The following DCLRE1C variants were observed in gnomAD, a reference collection of about 807,000 sequenced individuals.
The protein encoded by DCLRE1C is protein artemis.
In DCLRE1C, 47 loss-of-function variants were observed where a neutral mutation model predicts 61.4. The ratio of observed to expected loss-of-function variants is 0.77; its 90% CI spans 0.61 to 0.98. The LOEUF (loss-of-function observed/expected upper bound fraction) is 0.98, where lower values mean the gene tolerates loss of function less well. Among genes scored for constraint, DCLRE1C ranks in the 50% least tolerant of loss-of-function variants. The pLI is 0.00. For missense variants in DCLRE1C, 858 were observed against 816.0 expected (o/e 1.05, Z -0.63); for synonymous variants, 337 against 287.6 (o/e 1.17, Z -1.74).
chr10:14,945,601 G>GAA, intron 2 of DCLRE1C: 2 of 1,008,350 alleles, frequency 2.0e-6, no homozygotes, highest in Non-Finnish European at 2.4e-6. Context: ...ACTACCTCTG[G>GAA]AAAAGGTGTG....
At chr10:14,901,168 T>C (rs1240809718), downstream of DCLRE1C, 1 of 1,613,926 alleles carries the variant, frequency 6.2e-7, no homozygotes, top group Non-Finnish European at 8.5e-7. Flanking sequence ...ATGTTTTCAT[T>C]GATAACCTCG....
At chr10:14,926,172 C>G (rs759616266) in intron 11 of DCLRE1C, among the ~76,000 whole-genome samples, 1 of 152,214 alleles carries the variant, frequency 6.6e-6, no homozygotes, top group South Asian at 2.1e-4. Flanking sequence ...CAGACTGATA[C>G]ACTTGTTGAC....
intron 13 of DCLRE1C, among the ~76,000 whole-genome samples, chr10:14,919,324 T>G (rs1001084768): frequency 1.4e-4 from 22 of 151,992 alleles, no homozygotes; most frequent in African/African-American, 5.3e-4. Flanking sequence ...CTGATCAACT[T>G]GATCAGAAAT....
chr10:14,953,916 G>C lies in DCLRE1C; in HGVS notation c.95C>G (p.Ser32Cys), dbSNP rs969498121. ...CCCTCACTCACCTTTGTGGCAGTGG[G>C]ACAGGAAGTAGGCGCGGGCCCTCAG... ...ENLRARAYFL[S>C]HCHKDHMKGL... Residue 32 changes from serine to cysteine, a missense_variant, in exon 1 of 14, where the codon TCC becomes TGC. Ser to Cys is a moderately radical substitution (Grantham distance 112). Around this residue, in one of 2 missense-constraint regions of DCLRE1C, gnomAD observed 843 missense variants for 783.5 expected, o/e 1.08. Coordinates refer to ENST00000378278, the MANE Select transcript of DCLRE1C (RefSeq NM_001033855.3). 1.2e-6 allele frequency: 2 copies of C among 1,614,024 alleles called. No homozygotes were observed. Among genetic ancestry groups the C allele is most frequent in the Admixed American group, 1.7e-5 (1 of 60,028 alleles).
intron 3 of DCLRE1C, among the ~76,000 whole-genome samples, chr10:14,940,286 T>C (rs1012181294): frequency 1.2e-5 from 1 of 82,448 alleles, no homozygotes; most frequent in South Asian, 4.0e-4. Context: ...TACACGGTTC[T>C]TTTATTTTTT....
chr10:14,906,201 C>A lies in DCLRE1C; in HGVS notation c.*2207G>T, dbSNP rs1588879220. Among the ~76,000 whole-genome samples, 2 of 152,146 alleles carry A rather than the reference C, an allele frequency of 1.3e-5. No individual in the cohort carries two copies. The highest frequency in any genetic ancestry group is 2.1e-4 in the South Asian group (1 of 4,822). On this transcript the variant is annotated 3_prime_UTR_variant, in exon 14 of 14. Coordinates refer to ENST00000378278, the MANE Select transcript of DCLRE1C (RefSeq NM_001033855.3). ...TGAACTAACCTCTGTGCCTTTGTCT[C>A]ATTTGTACATGGGGATTAGAAATGT...
chr10:14,922,621 T>C (rs565385950), intron 12 of DCLRE1C, among the ~76,000 whole-genome samples: 1 of 152,176 alleles, frequency 6.6e-6, no homozygotes, highest in East Asian at 1.9e-4. Flanking sequence ...TTTCTTACAC[T>C]ATCTCCCTGT....
intron 13 of DCLRE1C, among the ~76,000 whole-genome samples, chr10:14,919,318 TC>T (rs1409917344): frequency 2.6e-5 from 4 of 152,118 alleles, no homozygotes; most frequent in Non-Finnish European, 5.9e-5. Context: ...ACACTACTGA[TC>T]AACTTGATCA....
exon 14 of DCLRE1C, chr10:14,899,235 G>T (rs557135516): frequency 2.8e-6 from 2 of 701,922 alleles, no homozygotes; most frequent in Admixed American, 4.0e-5. Context: ...CAGGAAGATC[G>T]CTTGATCCCA....
At chr10:14,919,708 C>T in intron 13 of DCLRE1C, 30 bp downstream of exon 13, 18 of 1,551,420 alleles carry the variant, frequency 1.2e-5, no homozygotes, top group Non-Finnish European at 1.6e-5. Flanking sequence ...AGGGAGCCCA[C>T]CCCTCTGAAC....
intron 8 of DCLRE1C, among the ~76,000 whole-genome samples, chr10:14,934,044 C>A (rs113567975): frequency 1.3e-5 from 2 of 152,048 alleles, no homozygotes; most frequent in African/African-American, 2.4e-5. Context: ...AAAGAATGAA[C>A]AGACTGGGAA....
At chr10:14,937,987 T>C (rs563902712) in intron 4 of DCLRE1C, among the ~76,000 whole-genome samples, 1 of 151,266 alleles carries the variant, frequency 6.6e-6, no homozygotes, top group South Asian at 2.1e-4. Context: ...GGGCAAGACC[T>C]GCAGGCACTA....
chr10:14,909,559 A>T (rs954599999), intron 13 of DCLRE1C, among the ~76,000 whole-genome samples: 6 of 151,738 alleles, frequency 4.0e-5, no homozygotes, highest in Non-Finnish European at 5.9e-5. Context: ...TCTGCTCTAT[A>T]TGTAAGCCTG....
At chr10:14,897,706 T>C in exon 14 of DCLRE1C, 1 of 414,338 alleles carries the variant, frequency 2.4e-6, no homozygotes, top group Non-Finnish European at 4.1e-6. Flanking sequence ...TTTATATGAA[T>C]AAAAAATATA....
rs999246854 is a variant in DCLRE1C, at chr10:14,907,860, T to TTC, written c.*547_*548insGA. ...TTTAGTTCTACCATTTTTTTTTCTT[T>TTC]TTTTTTTTTTTTTTTTTTGAGACAG... On this transcript the variant is annotated 3_prime_UTR_variant, in exon 14 of 14. Coordinates refer to ENST00000378278, the MANE Select transcript of DCLRE1C (RefSeq NM_001033855.3). The TTC allele has an allele frequency of 2.2e-5, 3 of 136,990 alleles. No individual in the cohort carries two copies. Among genetic ancestry groups the TTC allele is most frequent in the African/African-American group, 8.0e-5 (3 of 37,654 alleles). 8.5% of individuals were successfully genotyped at this position (136,990 alleles called of 1,614,324 possible).
rs200832949 is a variant in DCLRE1C, at chr10:14,908,526, G to T, written c.1961C>A (p.Pro654His). ...AGGTAACTCAGCTTCTGGAGTTGAG[G>T]GAACTTCAAAATCAGAAGAGCTCTG... ...DSQSSSDFEV[P>H]STPEAELPKR... is the part of the protein sequence containing the mutation. The change falls in exon 14 of 14, where the codon CCC becomes CAC. Residue 654 changes from proline to histidine, a missense_variant. Pro to His is a moderately conservative substitution (Grantham distance 77). Coordinates refer to ENST00000378278, the MANE Select transcript of DCLRE1C (RefSeq NM_001033855.3). 6.2e-7 allele frequency: 1 copy of T among 1,614,022 alleles called. No individual in the cohort carries two copies. The highest frequency in any genetic ancestry group is 8.5e-7 in the Non-Finnish European group (1 of 1,179,988).
At chr10:14,900,129 G>A (rs1833896825), downstream of DCLRE1C, among the ~76,000 whole-genome samples, 1 of 152,074 alleles carries the variant, frequency 6.6e-6, no homozygotes, top group South Asian at 2.1e-4. Flanking sequence ...AAAATTTAAA[G>A]ATTTGTAGAG....
In DCLRE1C at chr10:14,954,070, T is replaced by C; in HGVS notation, c.-60A>G. On this transcript the variant is annotated 5_prime_UTR_variant, in exon 1 of 14. Transcript: ENST00000378278. ...CCGCAGCTGAAGCCAAGGCCAGCCC[T>C]GACCGCGCCGCCACTTCCGGGAAGC... The C allele has an allele frequency of 1.2e-6, 2 of 1,606,634 alleles. No homozygotes were observed. The highest frequency in any genetic ancestry group is 8.5e-7 in the Non-Finnish European group (1 of 1,178,036).
intron 6 of DCLRE1C, among the ~76,000 whole-genome samples, chr10:14,935,100 A>T (rs1336278080): frequency 5.3e-5 from 8 of 151,998 alleles, no homozygotes; most frequent in South Asian, 2.1e-4. Flanking sequence ...CTGGGATTAC[A>T]GGCCAGAACT....
Sources: allele counts gnomAD v4.1 joint callset (sites outside exome capture counted in the v4.1 genomes callset), GRCh38; gene constraint gnomAD v4.1.1; regional missense constraint gnomAD v4.1.1; transcripts MANE v1.5; gene names NCBI Gene and HGNC (gene_info 2026-07-23, HGNC 2026-07-21).